SWAP70: variants seen among roughly 807,000 people sequenced by gnomAD.
SWAP70 encodes the protein switch-associated protein 70.
A neutral mutation model predicts 80.2 loss-of-function variants in SWAP70; 34 were observed. The ratio of observed to expected loss-of-function variants is 0.42; its 90% CI spans 0.32 to 0.56. SWAP70 has a LOEUF of 0.56. Ranked by LOEUF, SWAP70 falls within the 20% of genes least tolerant of loss-of-function variation. The pLI is 0.09. For synonymous variants in SWAP70, 239 were observed against 238.5 expected (o/e 1.00, Z -0.02); for missense variants, 578 against 690.7 (o/e 0.84, Z 1.83).
At chr11:9,680,030 C>T (rs1850547886) in intron 1 of SWAP70, among the ~76,000 whole-genome samples, 1 of 152,106 alleles carries the variant, frequency 6.6e-6, no homozygotes, top group Non-Finnish European at 1.5e-5. Context: ...AGCAGAAATT[C>T]TTTCTTATTT....
At chr11:9,702,824 G>T (rs1228867522) in intron 2 of SWAP70, among the ~76,000 whole-genome samples, 1 of 152,200 alleles carries the variant, frequency 6.6e-6, no homozygotes, top group African/African-American at 2.4e-5. Flanking sequence ...GTAAATAAAG[G>T]GGTTTCATGC....
chr11:9,702,142 C>A (rs565409023), intron 2 of SWAP70, among the ~76,000 whole-genome samples: 19 of 148,844 alleles, frequency 1.3e-4, no homozygotes, highest in Non-Finnish European at 2.6e-4. Context: ...AATATTTATG[C>A]TTTTTCCCCT....
At chr11:9,702,435 A>G (rs2645023) in intron 2 of SWAP70, among the ~76,000 whole-genome samples, 15,467 of 150,610 alleles carry the variant, frequency 0.1, 1,526 homozygotes, top group African/African-American at 0.25. Context: ...TTTCTGAGAT[A>G]AGGTCTTGCT....
At chr11:9,666,044 T>G (rs2134409457) in intron 1 of SWAP70, among the ~76,000 whole-genome samples, 1 of 151,872 alleles carries the variant, frequency 6.6e-6, no homozygotes, top group African/African-American at 2.4e-5. Flanking sequence ...TTTTCCTCTC[T>G]TTTTCTTCCA....
At chr11:9,715,194 G>T (rs1851050992) in intron 3 of SWAP70, among the ~76,000 whole-genome samples, 1 of 151,932 alleles carries the variant, frequency 6.6e-6, no homozygotes, top group African/African-American at 2.4e-5. Context: ...GCCCAGCCTG[G>T]TATCAAACTC....
At chr11:9,666,976 G>A (rs1308124713) in intron 1 of SWAP70, among the ~76,000 whole-genome samples, 1 of 152,014 alleles carries the variant, frequency 6.6e-6, no homozygotes, top group African/African-American at 2.4e-5. Context: ...GCCCGCCTTG[G>A]CCCTGCAAAG....
intron 1 of SWAP70, among the ~76,000 whole-genome samples, chr11:9,682,744 T>G (rs1411686525): frequency 6.6e-6 from 1 of 152,234 alleles, no homozygotes; most frequent in East Asian, 1.9e-4. Flanking sequence ...TGACACAATC[T>G]GTGCGCACTG....
At chr11:9,678,024 T>C (rs1237127131) in intron 1 of SWAP70, among the ~76,000 whole-genome samples, 1 of 152,298 alleles carries the variant, frequency 6.6e-6, no homozygotes, top group East Asian at 1.9e-4. Context: ...AGCCAGGCCA[T>C]TGGTAAGTTG....
At position 9,695,661 on chromosome 11, in the gene SWAP70, A is replaced by G. The variant is rs538673002; in HGVS notation, c.240+1375A>G. Among the ~76,000 whole-genome samples, 26 of 152,232 alleles carry G rather than the reference A, an allele frequency of 1.7e-4. No homozygotes were observed. The East Asian group carries it at 2.3e-3, about 14-fold the overall frequency. ...GGGAGGGAACTTAGAGGATAGGTCA[A>G]TAGGTGCAGCAAACCACCACAGCAC... On this transcript the variant is annotated intron_variant, in intron 2 of 11. Transcript: ENST00000318950.
intron 3 of SWAP70, among the ~76,000 whole-genome samples, 156 bp downstream of exon 3, chr11:9,713,795 A>G (rs1415411781): frequency 6.6e-6 from 1 of 152,230 alleles, no homozygotes; most frequent in Non-Finnish European, 1.5e-5. Flanking sequence ...GAAAAGCTCC[A>G]AATATAGTAA....
At chr11:9,705,604 A>G (rs1237099575) in intron 2 of SWAP70, among the ~76,000 whole-genome samples, 1 of 134,122 alleles carries the variant, frequency 7.5e-6, no homozygotes, top group Non-Finnish European at 1.5e-5. Flanking sequence ...GGTGATCTGT[A>G]TGCACTGGTG....
At chr11:9,733,405 G>T (rs1391952649) in intron 7 of SWAP70, among the ~76,000 whole-genome samples, 1 of 152,126 alleles carries the variant, frequency 6.6e-6, no homozygotes, top group Non-Finnish European at 1.5e-5. Context: ...CAAAAACTTT[G>T]CTCTGGGATA....
intron 2 of SWAP70, among the ~76,000 whole-genome samples, chr11:9,712,831 C>T (rs756075258): frequency 1.2e-4 from 18 of 151,570 alleles, no homozygotes; most frequent in Non-Finnish European, 1.6e-4. Context: ...CTCCGCCTCC[C>T]GGGTTCAGGC....
intron 2 of SWAP70, among the ~76,000 whole-genome samples, chr11:9,696,581 C>T (rs1286732450): frequency 6.6e-6 from 1 of 152,074 alleles, no homozygotes; most frequent in East Asian, 1.9e-4. Flanking sequence ...TGAATAGGAT[C>T]ATATTATACA....
At chr11:9,745,222 A>G (rs1590050232) in intron 9 of SWAP70, among the ~76,000 whole-genome samples, 1 of 152,344 alleles carries the variant, frequency 6.6e-6, no homozygotes, top group East Asian at 1.9e-4. Flanking sequence ...TAGCTGTGTA[A>G]CTTGAGAGAA....
chr11:9,752,765 G>A lies in SWAP70; in HGVS notation c.*2795G>A, dbSNP rs1590054448. ...AAAAAAGTTTTTGAAATGTATTTTT[G>A]TGATGTGCTATGTTGAGGGGAAACC... On this transcript the variant is annotated 3_prime_UTR_variant, in exon 12 of 12. Coordinates refer to ENST00000318950, the MANE Select transcript of SWAP70 (RefSeq NM_015055.4). 1 of 152,138 alleles carries A rather than the reference G, an allele frequency of 6.6e-6. No homozygotes were observed. The highest frequency in any genetic ancestry group is 1.5e-5 in the Non-Finnish European group (1 of 68,014). The allele number at this position is 152,138 out of a possible 1,614,324, so 9.4% of individuals were successfully genotyped here.
At chr11:9,721,348 AAT>A (rs1483264690) in intron 3 of SWAP70, among the ~76,000 whole-genome samples, 2 of 152,112 alleles carry the variant, frequency 1.3e-5, no homozygotes, top group Non-Finnish European at 2.9e-5. Flanking sequence ...CCAACAAGTA[AAT>A]TTTGGTAAAC....
chr11:9,686,184 T>C (rs1006932869), intron 1 of SWAP70, among the ~76,000 whole-genome samples: 1 of 151,902 alleles, frequency 6.6e-6, no homozygotes, highest in Non-Finnish European at 1.5e-5. Flanking sequence ...AGGCAGGTTG[T>C]AATTAACTTT....
At position 9,720,765 on chromosome 11, in the gene SWAP70, T is replaced by C. The variant is rs139296863; in HGVS notation, c.415-3893T>C. On this transcript the variant is annotated intron_variant, in intron 3 of 11. Transcript: ENST00000318950. ...TTGTACCTTGAGCAATTGTTTATCTTAATGTCCTTTTTGACTCTCTTTTTC... is the reference window on the plus strand; with the variant it reads ...TTGTACCTTGAGCAATTGTTTATCTCAATGTCCTTTTTGACTCTCTTTTTC... Among the ~76,000 whole-genome samples, 1,290 of 152,314 alleles carry C rather than the reference T, an allele frequency of 8.5e-3. 13 individuals are homozygous for C. The highest frequency in any genetic ancestry group is 0.034 in the Middle Eastern group (10 of 294).
Sources: allele counts gnomAD v4.1 joint callset (sites outside exome capture counted in the v4.1 genomes callset), GRCh38; gene constraint gnomAD v4.1.1; transcripts MANE v1.5; gene names NCBI Gene and HGNC (gene_info 2026-07-23, HGNC 2026-07-21).